The following CAMSAP2 variants were observed in gnomAD, a reference collection of about 807,000 sequenced individuals.
CAMSAP2 encodes calmodulin-regulated spectrin-associated protein 2.
A neutral mutation model predicts 146.1 loss-of-function variants in CAMSAP2; 26 were observed. The observed-to-expected ratio is 0.18, with a 90% confidence interval of 0.13 to 0.25. CAMSAP2 has a LOEUF of 0.25. Ranked by LOEUF, CAMSAP2 falls within the 10% of genes least tolerant of loss-of-function variation. CAMSAP2 has a pLI of 1.00. For missense variants in CAMSAP2, 1,381 were observed against 1,759.3 expected (o/e 0.78, Z 3.85); for synonymous variants, 499 against 596.6 (o/e 0.84, Z 2.38).
At chr1:200,800,657 AT>A (rs2102126201) in intron 2 of CAMSAP2, among the ~76,000 whole-genome samples, 1 of 152,234 alleles carries the variant, frequency 6.6e-6, no homozygotes, top group East Asian at 1.9e-4. Context: ...CATTTAGCCC[AT>A]TTACATTTAA....
At chr1:200,795,116 A>G (rs1239240221) in intron 2 of CAMSAP2, among the ~76,000 whole-genome samples, 1 of 152,168 alleles carries the variant, frequency 6.6e-6, no homozygotes, top group Non-Finnish European at 1.5e-5. Flanking sequence ...CTGCTAGACT[A>G]TAGGATTTAT....
chr1:200,856,673 G>A (rs901296392), intron 15 of CAMSAP2, among the ~76,000 whole-genome samples: 1 of 152,204 alleles, frequency 6.6e-6, no homozygotes, highest in African/African-American at 2.4e-5. Flanking sequence ...TCAGCAGCAC[G>A]TTGAGAGGTA....
chr1:200,746,655 G>A (rs1172491902), intron 1 of CAMSAP2, among the ~76,000 whole-genome samples: 2 of 147,112 alleles, frequency 1.4e-5, no homozygotes, highest in East Asian at 3.9e-4. Context: ...GTCTTGCCCT[G>A]TCGCCCAGGC....
intron 3 of CAMSAP2, among the ~76,000 whole-genome samples, chr1:200,810,408 C>T (rs866689925): frequency 1.3e-5 from 2 of 151,974 alleles, no homozygotes; most frequent in South Asian, 2.1e-4. Context: ...GGTGAAACCC[C>T]GTTCTGAAAA....
intron 2 of CAMSAP2, among the ~76,000 whole-genome samples, chr1:200,766,511 C>A (rs1440194250): frequency 1.3e-5 from 2 of 152,126 alleles, no homozygotes; most frequent in African/African-American, 2.4e-5. Context: ...TTAATTCTTA[C>A]AACAACTCCA....
At chr1:200,807,807 C>T (rs1666221312) in intron 3 of CAMSAP2, among the ~76,000 whole-genome samples, 1 of 139,836 alleles carries the variant, frequency 7.2e-6, no homozygotes, top group Non-Finnish European at 1.5e-5. Flanking sequence ...GTGGCATGAT[C>T]TCGGCTCACT....
rs2275195 is a variant in CAMSAP2 at position 200,852,475 on chromosome 1, A to C, written c.3466-66A>C. The C allele has an allele frequency of 3.3e-5, 51 of 1,554,362 alleles. No homozygotes were observed. In the East Asian group the frequency reaches 1.1e-3, roughly 34 times the overall value. On this transcript the variant is annotated intron_variant, in intron 11 of 16. Transcript: ENST00000358823. ...AGGACTAACCACAAAATGTGACTACAACAATTGAAAATGAGAATATTGGTA... is the reference window on the plus strand; with the variant it reads ...AGGACTAACCACAAAATGTGACTACCACAATTGAAAATGAGAATATTGGTA...
chr1:200,844,293 T>TA (rs1667404705), intron 7 of CAMSAP2, among the ~76,000 whole-genome samples: 1 of 152,070 alleles, frequency 6.6e-6, no homozygotes. Flanking sequence ...CTTACGCCTG[T>TA]AATCCCAGCA....
At chr1:200,800,480 T>C (rs1245609490) in intron 2 of CAMSAP2, among the ~76,000 whole-genome samples, 1 of 152,190 alleles carries the variant, frequency 6.6e-6, no homozygotes, top group Non-Finnish European at 1.5e-5. Flanking sequence ...GAGACTAGGA[T>C]TGCAACCCTT....
chr1:200,750,684 G>A (rs561589306), intron 1 of CAMSAP2, among the ~76,000 whole-genome samples: 14 of 150,930 alleles, frequency 9.3e-5, no homozygotes, highest in Non-Finnish European at 1.5e-4. Flanking sequence ...GAGTGCAATG[G>A]CGCAATCTCA....
intron 2 of CAMSAP2, among the ~76,000 whole-genome samples, chr1:200,798,529 CTT>C (rs1264575404): frequency 7.3e-6 from 1 of 137,660 alleles, no homozygotes; most frequent in African/African-American, 2.8e-5. Context: ...TATCCTGAGA[CTT>C]TGCTGAAGTT....
At chr1:200,826,959 T>G (rs1451071747) in intron 4 of CAMSAP2, among the ~76,000 whole-genome samples, 2 of 152,224 alleles carry the variant, frequency 1.3e-5, no homozygotes, top group African/African-American at 4.8e-5. Flanking sequence ...TGCCTAATTC[T>G]TCCCTGAAAA....
Position 200,739,992 on chromosome 1 carries a change from C to T in CAMSAP2, c.139+26C>T. 6.2e-7 allele frequency: 1 copy of T among 1,611,744 alleles called. No individual in the cohort carries two copies. The highest frequency in any genetic ancestry group is 8.5e-7 in the Non-Finnish European group (1 of 1,178,496). ...GTTAGTGGTGTCACCCTTTCCCTCC[C>T]CTCTTCCTCCTGATGTGGTCCACAT... On this transcript the variant is annotated intron_variant, in intron 1 of 16. Transcript: ENST00000358823. The surrounding 1 kb of genome is among the most constrained non-coding windows in gnomAD (Gnocchi z 4.8).
At chr1:200,805,214 G>A (rs916205814) in intron 2 of CAMSAP2, among the ~76,000 whole-genome samples, 9 of 152,184 alleles carry the variant, frequency 5.9e-5, no homozygotes, top group Admixed American at 2.6e-4. Context: ...CTTACAAAGC[G>A]TCAGCTTTCC....
intron 1 of CAMSAP2, among the ~76,000 whole-genome samples, chr1:200,749,600 A>T (rs1664442125): frequency 6.6e-6 from 1 of 152,170 alleles, no homozygotes; most frequent in South Asian, 2.1e-4. Flanking sequence ...TTAACTGCTT[A>T]CCTTTATTTA....
chr1:200,803,910 G>A (rs1666101108), intron 2 of CAMSAP2, among the ~76,000 whole-genome samples: 1 of 141,606 alleles, frequency 7.1e-6, no homozygotes, highest in South Asian at 2.3e-4. Flanking sequence ...ACATTATTAT[G>A]GTATGATGTT....
Position 200,819,626 on chromosome 1 carries a change from G to GT in CAMSAP2, c.645+3991dup, listed in dbSNP as rs200019786. Among the ~76,000 whole-genome samples, 1,141 of 150,788 alleles carry GT rather than the reference G, an allele frequency of 7.6e-3. 12 individuals carry two copies. Among genetic ancestry groups the GT allele is most frequent in the Middle Eastern group, 0.045 (13 of 292 alleles). On this transcript the variant is annotated intron_variant, in intron 4 of 16. Transcript: ENST00000358823. The stretch of plus-strand genomic sequence containing the variant: ...CTTGACCTCTCTGGGCCTTGGGTTT[G>GT]TTTTTTTTTAATCTGTAAAAATTAG...
intron 1 of CAMSAP2, among the ~76,000 whole-genome samples, chr1:200,744,206 G>A (rs1179794095): frequency 2.0e-5 from 3 of 152,174 alleles, no homozygotes; most frequent in African/African-American, 4.8e-5. Context: ...TGTAACTACT[G>A]TTCTCTATGG....
intron 1 of CAMSAP2, among the ~76,000 whole-genome samples, chr1:200,743,711 C>T (rs991739911): frequency 3.7e-4 from 56 of 152,140 alleles, no homozygotes; most frequent in African/African-American, 1.2e-3. Flanking sequence ...GAGACCAAGG[C>T]GGGTGGATCA....
Sources: gnomAD v4.1 joint callset for allele counts (sites outside exome capture counted in the v4.1 genomes callset) on GRCh38, gnomAD v4.1.1 for gene constraint, Gnocchi (gnomAD v3.1) non-coding constraint, MANE v1.5 for transcripts, NCBI Gene and HGNC (gene_info 2026-07-23, HGNC 2026-07-21) for gene names.